NTN4: variants seen among roughly 807,000 people sequenced by gnomAD.
NTN4 encodes netrin 4.
In NTN4, 32 loss-of-function variants were observed where a neutral mutation model predicts 73.6. The observed-to-expected ratio is 0.44, with a 90% CI of 0.33 to 0.58. The LOEUF (loss-of-function observed/expected upper bound fraction) is 0.58, where lower values mean the gene tolerates loss of function less well. Ranked by LOEUF, NTN4 falls within the 20% of genes least tolerant of loss-of-function variation. The pLI, the probability that NTN4 is intolerant of heterozygous loss-of-function variation, is 0.04. For missense variants in NTN4, 654 were observed against 798.3 expected (o/e 0.82, Z 2.18); for synonymous variants, 258 against 287.5 (o/e 0.90, Z 1.04).
chr12:95,731,119 C>T (rs1008696271), intron 3 of NTN4, among the ~76,000 whole-genome samples: 3 of 152,140 alleles, frequency 2.0e-5, no homozygotes, highest in Admixed American at 6.5e-5. Context: ...AGCCATTTCA[C>T]TAGTTGTTAA....
chr12:95,688,958 T>C (rs1302690151), intron 5 of NTN4, among the ~76,000 whole-genome samples: 1 of 152,180 alleles, frequency 6.6e-6, no homozygotes, highest in Non-Finnish European at 1.5e-5. Flanking sequence ...TGTACTGTGC[T>C]ACTGTTTAGA....
chr12:95,680,543 T>C (rs2078307226), intron 7 of NTN4, among the ~76,000 whole-genome samples: 1 of 152,246 alleles, frequency 6.6e-6, no homozygotes, highest in African/African-American at 2.4e-5. Context: ...CAAGAGAACA[T>C]TTACGGCAGT....
intron 7 of NTN4, among the ~76,000 whole-genome samples, chr12:95,680,940 A>T (rs2078310112): frequency 6.6e-6 from 1 of 152,158 alleles, no homozygotes; most frequent in Non-Finnish European, 1.5e-5. Context: ...CTGTAATCCC[A>T]GCACTATGGG....
intron 3 of NTN4, among the ~76,000 whole-genome samples, chr12:95,735,349 C>T (rs942507779): frequency 6.6e-6 from 1 of 152,146 alleles, no homozygotes; most frequent in African/African-American, 2.4e-5. Context: ...TACCCCCTAC[C>T]TGGCCTTATC....
intron 3 of NTN4, among the ~76,000 whole-genome samples, chr12:95,721,159 C>T (rs1038594077): frequency 6.6e-6 from 1 of 152,166 alleles, no homozygotes; most frequent in Admixed American, 6.5e-5. Flanking sequence ...CAAGTCTCTT[C>T]GGGATGACAC....
intron 2 of NTN4, among the ~76,000 whole-genome samples, chr12:95,759,508 AGAT>A (rs1410693041): frequency 4.6e-5 from 4 of 87,724 alleles, no homozygotes; most frequent in African/African-American, 2.6e-4. Flanking sequence ...TTTTTTTTTG[AGAT>A]GGGGTCTTGC....
chr12:95,700,958 C>G (rs187069159), intron 5 of NTN4, among the ~76,000 whole-genome samples: 1 of 151,730 alleles, frequency 6.6e-6, no homozygotes, highest in Non-Finnish European at 1.5e-5. Flanking sequence ...GGACTACAGG[C>G]GCCCTCCACC....
At chr12:95,760,370 T>C (rs2078978562) in intron 2 of NTN4, among the ~76,000 whole-genome samples, 5 of 152,238 alleles carry the variant, frequency 3.3e-5, no homozygotes. Flanking sequence ...CTCACACATA[T>C]GCAGCTCAGT....
intron 5 of NTN4, among the ~76,000 whole-genome samples, chr12:95,704,158 A>G (rs1334032381): frequency 6.6e-6 from 1 of 152,184 alleles, no homozygotes; most frequent in East Asian, 1.9e-4. Flanking sequence ...ATTGCTAATC[A>G]GCAACCAGAT....
At position 95,790,507 on chromosome 12, in the gene NTN4, C is replaced by A. The variant is rs2079201207; in HGVS notation, c.-198G>T. On this transcript the variant is annotated 5_prime_UTR_variant, in exon 1 of 10. Coordinates refer to ENST00000343702, the MANE Select transcript of NTN4 (RefSeq NM_021229.4). The surrounding 1 kb of genome is among the most constrained non-coding windows in gnomAD (Gnocchi z 6.5). ...GGGACCGCGCGGGGAGGTGGGGTGA[C>A]CCTCGCGCACCGGCCTGGCGGGTCC... The A allele has an allele frequency of 9.4e-6, 4 of 425,406 alleles. No individual in the cohort carries two copies. The South Asian group carries it at 1.6e-4, about 17-fold the overall frequency. 26.4% of individuals were successfully genotyped at this position (425,406 alleles called of 1,614,324 possible).
chr12:95,676,546 A>G (rs1001258766), intron 7 of NTN4, among the ~76,000 whole-genome samples: 2 of 152,242 alleles, frequency 1.3e-5, no homozygotes, highest in Admixed American at 6.5e-5. Flanking sequence ...GATACTACAT[A>G]TAAAGGCCAA....
intron 5 of NTN4, among the ~76,000 whole-genome samples, chr12:95,687,204 T>A (rs562670896): frequency 6.6e-6 from 1 of 152,222 alleles, no homozygotes; most frequent in Non-Finnish European, 1.5e-5. Flanking sequence ...TGGAAAAGGA[T>A]TTTATTTCAC....
Position 95,659,076 on chromosome 12 carries a change from C to A in NTN4, c.*10G>T, listed in dbSNP as rs770316884. On this transcript the variant is annotated 3_prime_UTR_variant, in exon 10 of 10. Transcript: ENST00000343702. ...TAGACAAGTGCCATTATGTGCTATC[C>A]ATCTTAATGCTACTTGCACTCTCTT... The A allele has an allele frequency of 6.2e-7, 1 of 1,605,526 alleles. No individual in the cohort carries two copies. The highest frequency in any genetic ancestry group is 1.1e-5 in the South Asian group (1 of 89,312).
At chr12:95,704,012 C>T (rs1437334110) in intron 5 of NTN4, among the ~76,000 whole-genome samples, 4 of 152,110 alleles carry the variant, frequency 2.6e-5, no homozygotes, top group Admixed American at 6.5e-5. Context: ...ACTGCAGCCT[C>T]GAATTTTGGA....
rs766485959 is a variant in NTN4, at chr12:95,683,593, C to T, written c.1299G>A (p.Arg433=). The change falls in exon 6 of 10, where the codon AGG becomes AGA. Residue 433 remains arginine, a synonymous_variant. Coordinates refer to ENST00000343702, the MANE Select transcript of NTN4 (RefSeq NM_021229.4). The part of the protein sequence containing the change: ...KPGVAGRRCD[R]CMVGYWGFGD... ...CGAAGCCCCAGTATCCCACCATGCA[C>T]CTGTCACAACGTCGCCCTGCCACCC... 3 of 1,614,094 alleles carry T rather than the reference C, an allele frequency of 1.9e-6. No individual in the cohort carries two copies. Among genetic ancestry groups the T allele is most frequent in the African/African-American group, 2.7e-5 (2 of 74,934 alleles).
intron 7 of NTN4, among the ~76,000 whole-genome samples, chr12:95,681,512 A>G (rs2078315785): frequency 6.6e-6 from 1 of 152,238 alleles, no homozygotes; most frequent in South Asian, 2.1e-4. Context: ...AATATATTTA[A>G]CTTGATGTGA....
intron 7 of NTN4, among the ~76,000 whole-genome samples, chr12:95,682,310 T>TA (rs1420686687): frequency 6.6e-6 from 1 of 151,930 alleles, no homozygotes; most frequent in African/African-American, 2.4e-5. Context: ...TGCCTTGGTC[T>TA]CCCAAAATGC....
intron 2 of NTN4, among the ~76,000 whole-genome samples, chr12:95,759,997 C>G (rs930239555): frequency 1.4e-4 from 21 of 152,024 alleles, no homozygotes; most frequent in Non-Finnish European, 2.4e-4. Flanking sequence ...TATTTTCATG[C>G]CTTGTAATTT....
chr12:95,716,938 T>C (rs2078610220), intron 3 of NTN4, among the ~76,000 whole-genome samples: 1 of 151,922 alleles, frequency 6.6e-6, no homozygotes, highest in Non-Finnish European at 1.5e-5. Flanking sequence ...GTCTCCCGAG[T>C]AGCTTGGACA....
Sources: gnomAD v4.1 joint callset for allele counts (sites outside exome capture counted in the v4.1 genomes callset) on GRCh38, gnomAD v4.1.1 for gene constraint, Gnocchi (gnomAD v3.1) non-coding constraint, MANE v1.5 for transcripts, NCBI Gene and HGNC (gene_info 2026-07-23, HGNC 2026-07-21) for gene names.